IKZF2: variants seen among roughly 807,000 people sequenced by gnomAD.
The protein encoded by IKZF2 is IKAROS family zinc finger 2.
IKZF2 carries 15 observed loss-of-function variants against 49.2 expected under a neutral mutation model. The ratio of observed to expected loss-of-function variants is 0.30; its 90% CI spans 0.20 to 0.47. The LOEUF (loss-of-function observed/expected upper bound fraction) is 0.47. Ranked by LOEUF, IKZF2 falls within the 20% of genes least tolerant of loss-of-function variation. IKZF2 has a pLI of 1.00. For missense variants in IKZF2, 567 were observed against 664.6 expected, an observed-to-expected ratio of 0.85 and a Z score of 1.61; for synonymous variants, 227 against 221.4, an observed-to-expected ratio of 1.03 and a Z score of -0.23.
At chr2:213,128,904 G>A (rs1185073106) in intron 4 of IKZF2, among the ~76,000 whole-genome samples, 3 of 146,312 alleles carry the variant, frequency 2.1e-5, no homozygotes, top group Non-Finnish European at 4.5e-5. Context: ...CACCCGTCTC[G>A]GCCTCCCAAA....
intron 6 of IKZF2, among the ~76,000 whole-genome samples, chr2:213,037,141 T>C (rs1699111190): frequency 6.6e-6 from 1 of 152,182 alleles, no homozygotes; most frequent in Admixed American, 6.5e-5. Flanking sequence ...GGTACAAAAC[T>C]GTGGTAGCAA....
chr2:213,072,823 TC>T (rs1702850351), intron 4 of IKZF2, among the ~76,000 whole-genome samples: 1 of 152,064 alleles, frequency 6.6e-6, no homozygotes, highest in Non-Finnish European at 1.5e-5. Context: ...AAATAAAAAT[TC>T]AACGAAAATG....
intron 5 of IKZF2, among the ~76,000 whole-genome samples, chr2:213,053,113 A>G (rs1452547094): frequency 2.0e-5 from 3 of 152,158 alleles, no homozygotes; most frequent in African/African-American, 7.2e-5. Flanking sequence ...TCACAAATTT[A>G]CTAACTACAT....
chr2:213,104,596 T>G (rs1384956087), intron 4 of IKZF2, among the ~76,000 whole-genome samples: 1 of 152,116 alleles, frequency 6.6e-6, no homozygotes, highest in Non-Finnish European at 1.5e-5. Flanking sequence ...GGTGTTCTCT[T>G]CTAGATAGTA....
intron 6 of IKZF2, among the ~76,000 whole-genome samples, chr2:213,047,832 AAGAC>A (rs1363269727): frequency 6.6e-6 from 1 of 152,108 alleles, no homozygotes; most frequent in African/African-American, 2.4e-5. Context: ...TAATATAAGA[AAGAC>A]AGGACCACCG....
rs1272674591 is a variant in IKZF2, at chr2:213,147,662, G to A, written c.139+46C>T. The A allele has an allele frequency of 2.2e-6, 3 of 1,385,820 alleles. No individual in the cohort carries two copies. The African/African-American group carries it at 4.2e-5, about 20-fold the overall frequency. The allele number at this position is 1,385,820 out of a possible 1,614,324, so 85.8% of individuals were successfully genotyped here. ...ACCTAACAAATTAAAGTCTGTTGCT[G>A]GAGAGACACACACACACAAAAAAAA... On this transcript the variant is annotated intron_variant, in intron 4 of 8. Transcript: ENST00000434687.
At chr2:213,093,627 T>C (rs1166556784) in intron 4 of IKZF2, among the ~76,000 whole-genome samples, 1 of 152,220 alleles carries the variant, frequency 6.6e-6, no homozygotes, top group Admixed American at 6.5e-5. Flanking sequence ...CTGTAAGCTC[T>C]ATAAGGATAG....
chr2:213,128,931 C>T (rs572439562), intron 4 of IKZF2, among the ~76,000 whole-genome samples: 12 of 150,220 alleles, frequency 8.0e-5, no homozygotes, highest in African/African-American at 2.2e-4. Flanking sequence ...GGATTACAGG[C>T]GTGAGCCACC....
In IKZF2 at chr2:213,000,361, T is replaced by C. The variant is rs1352186760; in HGVS notation, c.*6999A>G. 1.3e-4 allele frequency: 19 copies of C among 150,830 alleles called. No homozygotes were observed. In the East Asian group the frequency reaches 3.7e-3, roughly 29 times the overall value. The allele number at this position is 150,830 out of a possible 1,614,324, so 9.3% of individuals were successfully genotyped here. A position where few individuals can be genotyped will look rare whatever the true frequency, so the allele number is the denominator to read the frequency against. On this transcript the variant is annotated 3_prime_UTR_variant, in exon 9 of 9. Transcript: ENST00000434687. Reference sequence around the variant, plus strand: ...GGTTTGACCTATTTTTTTTTCTTTTTTTGCTTCTAAAACACAAAATACCCT... The same window carrying C: ...GGTTTGACCTATTTTTTTTTCTTTTCTTGCTTCTAAAACACAAAATACCCT...
intron 4 of IKZF2, among the ~76,000 whole-genome samples, chr2:213,068,562 T>C (rs1214669409): frequency 1.3e-5 from 2 of 152,010 alleles, no homozygotes; most frequent in Admixed American, 1.3e-4. Context: ...ACAATTTGTG[T>C]AATTGGTAAT....
intron 4 of IKZF2, among the ~76,000 whole-genome samples, chr2:213,127,313 C>T (rs949165471): frequency 6.6e-6 from 1 of 152,190 alleles, no homozygotes; most frequent in African/African-American, 2.4e-5. Context: ...TCTGACTTTA[C>T]ATACTAATTT....
intron 4 of IKZF2, among the ~76,000 whole-genome samples, chr2:213,146,236 G>A (rs2061052755): frequency 6.6e-6 from 1 of 151,974 alleles, no homozygotes; most frequent in South Asian, 2.1e-4. Flanking sequence ...CAAATAACTA[G>A]TATATTGAAA....
chr2:213,148,774 C>T, intron 2 of IKZF2, 130 bp from the exon 3 acceptor site: 1 of 681,934 alleles, frequency 1.5e-6, no homozygotes. Flanking sequence ...GAAACATACA[C>T]AGTGTACTGT....
intron 4 of IKZF2, among the ~76,000 whole-genome samples, chr2:213,108,803 T>TA (rs572873957): frequency 0.022 from 3,288 of 150,836 alleles, 123 homozygotes; most frequent in African/African-American, 0.075. Context: ...ATGCTTATTG[T>TA]AAAAAAAAAT....
chr2:213,143,791 G>A (rs181890737), intron 4 of IKZF2, among the ~76,000 whole-genome samples: 8 of 151,862 alleles, frequency 5.3e-5, no homozygotes, highest in African/African-American at 1.7e-4. Flanking sequence ...TAGAACACCC[G>A]CCTGAAAAGA....
At chr2:213,045,753 C>T (rs1700093270) in intron 6 of IKZF2, among the ~76,000 whole-genome samples, 1 of 152,162 alleles carries the variant, frequency 6.6e-6, no homozygotes, top group Non-Finnish European at 1.5e-5. Flanking sequence ...AATTGCTGCA[C>T]CCTGCACCTT....
chr2:213,084,297 T>G (rs1181075272), intron 4 of IKZF2, among the ~76,000 whole-genome samples: 3 of 152,172 alleles, frequency 2.0e-5, no homozygotes, highest in African/African-American at 7.2e-5. Flanking sequence ...AGGGAAGTTT[T>G]AAGGAGTAAA....
intron 6 of IKZF2, among the ~76,000 whole-genome samples, chr2:213,035,212 A>C (rs998289028): frequency 6.6e-6 from 1 of 152,064 alleles, no homozygotes; most frequent in Admixed American, 6.6e-5. Context: ...TGGAAAACTC[A>C]AGGTACTTAA....
At position 213,005,101 on chromosome 2, in the gene IKZF2, G is replaced by C. The variant is rs1008502978; in HGVS notation, c.*2259C>G. The C allele has an allele frequency of 1.4e-5, 2 of 142,520 alleles. No individual in the cohort carries two copies. The highest frequency in any genetic ancestry group is 4.2e-3 in the Middle Eastern group (1 of 240). 8.8% of individuals were successfully genotyped at this position (142,520 alleles called of 1,614,324 possible). ...CATCCAAATGTTTCCTTAAATTGCA[G>C]TAAAAGACAAAATTGTGAACCTTAA... On this transcript the variant is annotated 3_prime_UTR_variant, in exon 9 of 9. Coordinates refer to ENST00000434687, the MANE Select transcript of IKZF2 (RefSeq NM_001387220.1).
Sources: gnomAD v4.1 joint callset for allele counts (sites outside exome capture counted in the v4.1 genomes callset) on GRCh38, gnomAD v4.1.1 for gene constraint, MANE v1.5 for transcripts, NCBI Gene and HGNC (gene_info 2026-07-23, HGNC 2026-07-21) for gene names.